SLC38A10: variants seen among roughly 807,000 people sequenced by gnomAD.
SLC38A10 encodes Sodium-coupled neutral amino acid transporter 10.
Under a neutral mutation model 81.0 loss-of-function variants are expected in SLC38A10, and 53 were observed. That is an observed-to-expected ratio of 0.65 (90% CI 0.53 to 0.82). SLC38A10 has a LOEUF of 0.82. SLC38A10 is among the 40% of genes least tolerant of loss of function. The pLI, the probability that SLC38A10 is intolerant of heterozygous loss-of-function variation, is 0.00. For missense variants in SLC38A10, 1,471 were observed against 1,545.0 expected (o/e 0.95, Z 0.80); for synonymous variants, 665 against 655.3 (o/e 1.01, Z -0.23).
At chr17:81,260,037 C>A (rs1473958283) in intron 11 of SLC38A10, among the ~76,000 whole-genome samples, 2 of 152,216 alleles carry the variant, frequency 1.3e-5, no homozygotes, top group African/African-American at 4.8e-5. Context: ...GTCCCATGTT[C>A]CCTGCACACA....
intron 8 of SLC38A10, among the ~76,000 whole-genome samples, chr17:81,273,618 G>T (rs2063136055): frequency 6.6e-6 from 1 of 152,214 alleles, no homozygotes; most frequent in South Asian, 2.1e-4. Flanking sequence ...GGAGCCAGAA[G>T]TTCCTATCGG....
Position 81,265,448 on chromosome 17 carries a change from C to A in SLC38A10, c.1132-5054G>T, listed in dbSNP as rs1390963565. 6.6e-6 allele frequency: 1 copy of A among 152,244 alleles called. No individual in the cohort carries two copies. The highest frequency in any genetic ancestry group is 2.4e-5 in the African/African-American group (1 of 41,466). The allele number at this position is 152,244 out of a possible 1,614,324, so 9.4% of individuals were successfully genotyped here. Reference sequence around the variant, plus strand: ...ATCTTTTCGATTCCCTCAGGGCCGACCTATTTTCCTGTCCCCTGGTTGATC... The same window carrying A: ...ATCTTTTCGATTCCCTCAGGGCCGAACTATTTTCCTGTCCCCTGGTTGATC... On this transcript the variant is annotated intron_variant, in intron 10 of 15. Coordinates refer to ENST00000374759, the MANE Select transcript of SLC38A10 (RefSeq NM_001037984.3). The surrounding 1 kb of genome is among the most constrained non-coding windows in gnomAD (Gnocchi z 4.2).
At chr17:81,268,206 C>G (rs964354292) in intron 10 of SLC38A10, among the ~76,000 whole-genome samples, 4 of 151,940 alleles carry the variant, frequency 2.6e-5, no homozygotes, top group African/African-American at 9.7e-5. Context: ...CAACTGAAAA[C>G]ACATTTGCCT....
chr17:81,268,386 TTTTC>T (rs906026015), intron 10 of SLC38A10, among the ~76,000 whole-genome samples: 1 of 152,114 alleles, frequency 6.6e-6, no homozygotes, highest in Non-Finnish European at 1.5e-5. Flanking sequence ...ATCAATACTT[TTTTC>T]TTTTTCTTCT....
intron 2 of SLC38A10, chr17:81,285,235 C>T (rs1026506863): frequency 4.7e-5 from 11 of 232,008 alleles, no homozygotes; most frequent in Middle Eastern, 1.3e-3. Context: ...TCCCACAGCC[C>T]AGCACGGCCG....
intron 2 of SLC38A10, among the ~76,000 whole-genome samples, chr17:81,287,491 G>A (rs1230970969): frequency 1.3e-5 from 2 of 152,234 alleles, no homozygotes; most frequent in African/African-American, 4.8e-5. Flanking sequence ...GACGAGCCAG[G>A]GCACACTGCA....
chr17:81,283,590 C>G lies in SLC38A10; in HGVS notation c.264-88G>C, dbSNP rs1054643811. 2.2e-6 allele frequency: 2 copies of G among 894,892 alleles called. No homozygotes were observed. The highest frequency in any genetic ancestry group is 3.4e-5 in the African/African-American group (2 of 58,238). The allele number at this position is 894,892 out of a possible 1,614,324, so 55.4% of individuals were successfully genotyped here. On this transcript the variant is annotated intron_variant, in intron 3 of 15. Transcript: ENST00000374759. The surrounding 1 kb of genome is among the most constrained non-coding windows in gnomAD (Gnocchi z 4.7). ...CGCCAGGGACTACCCCAAGGCTGGG[C>G]TGAATGACAGATGTGATTTCTTTTT... is the stretch of plus-strand genomic sequence containing the variant.
At position 81,246,309 on chromosome 17, in the gene SLC38A10, G is replaced by GC. The variant is rs2062850324; in HGVS notation, c.2606dup (p.Glu871ArgfsTer96). 6.2e-7 allele frequency: 1 copy of GC among 1,610,780 alleles called. No individual in the cohort carries two copies. The highest frequency in any genetic ancestry group is 2.2e-5 in the East Asian group (1 of 44,860). On this transcript the variant is annotated frameshift_variant, in exon 16 of 16. Coordinates refer to ENST00000374759, the MANE Select transcript of SLC38A10 (RefSeq NM_001037984.3). LOFTEE classifies it low-confidence loss of function (END_TRUNC). ...ATTCCTCTGCGAGGCGCTCCTCTGGGCCCCCGGCTTCCCTGGCGGGGTCTG... is the reference window on the plus strand; with the variant it reads ...ATTCCTCTGCGAGGCGCTCCTCTGGGCCCCCCGGCTTCCCTGGCGGGGTCTG...
At position 81,245,894 on chromosome 17, in the gene SLC38A10, C is replaced by T; in HGVS notation, c.3022G>A (p.Ala1008Thr). The change falls in exon 16 of 16, where the codon GCT (alanine) becomes ACT (threonine). Residue 1008 changes from alanine to threonine, a missense_variant. Coordinates refer to ENST00000374759, the MANE Select transcript of SLC38A10 (RefSeq NM_001037984.3). ...HEQPRGGEDA[A>T]VQEPRQRPEP... ...GGCCTCTGCCTGGGCTCCTGGACAG[C>T]AGCGTCCTCCCCGCCTCTCGGCTGC... The T allele has an allele frequency of 6.2e-7, 1 of 1,612,164 alleles. No homozygotes were observed. The highest frequency in any genetic ancestry group is 8.5e-7 in the Non-Finnish European group (1 of 1,179,546).
Position 81,283,467 on chromosome 17 carries a change from A to G in SLC38A10, c.299T>C (p.Phe100Ser), listed in dbSNP as rs2063234318. 2 of 1,612,150 alleles carry G rather than the reference A, an allele frequency of 1.2e-6. No homozygotes were observed. The highest frequency in any genetic ancestry group is 1.7e-5 in the Admixed American group (1 of 59,838). The part of the protein sequence containing the change: ...IGLMLGTCIA[F>S]YVVIGDLGSN... Reference sequence around the variant, plus strand: ...CCCCAAGTCGCCGATCACGACGTAGAAGGCGATGCAGGTGCCCAGCATCAG... The same window carrying G: ...CCCCAAGTCGCCGATCACGACGTAGGAGGCGATGCAGGTGCCCAGCATCAG... The change falls in exon 4 of 16, where the codon TTC becomes TCC. Residue 100 changes from phenylalanine to serine, a missense_variant. Phe to Ser is a radical substitution (Grantham distance 155). Transcript: ENST00000374759. This position sits in a 1 kb window ranked among gnomAD's most constrained non-coding sequence, Gnocchi z 4.7.
chr17:81,286,685 C>T lies in SLC38A10; in HGVS notation c.218-1790G>A, dbSNP rs1335328020. On this transcript the variant is annotated intron_variant, in intron 2 of 15. Coordinates refer to ENST00000374759, the MANE Select transcript of SLC38A10 (RefSeq NM_001037984.3). This position sits in a 1 kb window ranked among gnomAD's most constrained non-coding sequence, Gnocchi z 6.0. ...ATCTGTGAGCGGCGAGCTCTGAGGG[C>T]GCGGCCTCCATGCAGGGTGTACCCT... Among the ~76,000 whole-genome samples, 3 of 152,310 alleles carry T rather than the reference C, an allele frequency of 2.0e-5. No homozygotes were observed. Among genetic ancestry groups the T allele is most frequent in the South Asian group, 2.1e-4 (1 of 4,826 alleles).
chr17:81,262,403 G>A (rs1158566580), intron 10 of SLC38A10, among the ~76,000 whole-genome samples: 1 of 152,210 alleles, frequency 6.6e-6, no homozygotes, highest in East Asian at 1.9e-4. Context: ...TGTGTTGTCT[G>A]GAAGCCCTGG....
intron 14 of SLC38A10, chr17:81,247,298 C>T (rs1049216402): frequency 1.6e-4 from 63 of 403,634 alleles, no homozygotes; most frequent in African/African-American, 1.0e-3. Flanking sequence ...GAAGCCCACC[C>T]GGGATGGCCT....
At chr17:81,292,900 T>G (rs1478431364) in intron 1 of SLC38A10, among the ~76,000 whole-genome samples, 2 of 152,152 alleles carry the variant, frequency 1.3e-5, no homozygotes, top group South Asian at 2.1e-4. Context: ...TCCTAGCACT[T>G]TGGGAGGCCG....
chr17:81,255,343 A>C (rs1225528110), intron 11 of SLC38A10, among the ~76,000 whole-genome samples: 1 of 152,278 alleles, frequency 6.6e-6, no homozygotes, highest in Non-Finnish European at 1.5e-5. Context: ...TCTTTGCGTC[A>C]GGGACAGTTT....
intron 1 of SLC38A10, among the ~76,000 whole-genome samples, chr17:81,293,172 A>G (rs866170012): frequency 6.6e-6 from 1 of 152,210 alleles, no homozygotes; most frequent in African/African-American, 2.4e-5. Flanking sequence ...TGAAAAAACA[A>G]AGATAACAGT....
chr17:81,272,910 G>T (rs553044564), intron 8 of SLC38A10, among the ~76,000 whole-genome samples: 1 of 152,170 alleles, frequency 6.6e-6, no homozygotes, highest in African/African-American at 2.4e-5. Flanking sequence ...GAGTCCTTCC[G>T]TTTTCCTTTT....
chr17:81,282,273 C>T lies in SLC38A10; in HGVS notation c.417G>A (p.Pro139=), dbSNP rs754735786. The T allele has an allele frequency of 1.2e-4, 188 of 1,613,510 alleles. 2 individuals carry two copies. The South Asian group carries it at 1.9e-3, about 16-fold the overall frequency. ...LFAVSLCIVL[P]LSLQRNMMAS... Reference sequence around the variant, plus strand: ...CCATCATGTTCCGCTGCAGGCTGAGCGGGAGCACGATGCACAGCGACACGG... The same window carrying T: ...CCATCATGTTCCGCTGCAGGCTGAGTGGGAGCACGATGCACAGCGACACGG... Residue 139 remains proline (P), a synonymous_variant, in exon 5 of 16, where the codon CCG becomes CCA. Transcript: ENST00000374759.
Position 81,272,565 on chromosome 17 carries a change from G to T in SLC38A10, c.975C>A (p.Thr325=), listed in dbSNP as rs774222386. ...YMPPLRFKAL[T]LSVVFGTMVG... is the part of the protein sequence containing the mutation. ...CCATGGTTCCAAACACCACAGAGAG[G>T]GTAAGTGCTTTAAACCGGAGAGGGG... The change falls in exon 9 of 16, where the codon ACC becomes ACA. Residue 325 remains threonine, a synonymous_variant. Coordinates refer to ENST00000374759, the MANE Select transcript of SLC38A10 (RefSeq NM_001037984.3). 17 of 1,597,778 alleles carry T rather than the reference G, an allele frequency of 1.1e-5. No individual in the cohort carries two copies. In the South Asian group the frequency reaches 1.5e-4, roughly 14 times the overall value.
Sources: allele counts gnomAD v4.1 joint callset (sites outside exome capture counted in the v4.1 genomes callset), GRCh38; gene constraint gnomAD v4.1.1; non-coding constraint Gnocchi (gnomAD v3.1); transcripts MANE v1.5; gene names NCBI Gene and HGNC (gene_info 2026-07-23, HGNC 2026-07-21).